The following ITGA11 variants were observed in gnomAD, a reference collection of about 807,000 sequenced individuals.
ITGA11 encodes the protein integrin alpha-11.
In ITGA11, 97 loss-of-function variants were observed where a neutral mutation model predicts 141.9. That is an observed-to-expected ratio of 0.68 (90% CI 0.58 to 0.81). The LOEUF (loss-of-function observed/expected upper bound fraction) is 0.81, where lower values mean the gene tolerates loss of function less well. Ranked by LOEUF, ITGA11 falls within the 30% of genes least tolerant of loss-of-function variation. The pLI, the probability that ITGA11 is intolerant of heterozygous loss-of-function variation, is 0.00. For missense variants in ITGA11, 1,387 were observed against 1,559.2 expected, an observed-to-expected ratio of 0.89 and a Z score of 1.86; for synonymous variants, 658 against 624.6, an observed-to-expected ratio of 1.05 and a Z score of -0.80.
At chr15:68,352,150 C>T (rs1894934637) in intron 7 of ITGA11, among the ~76,000 whole-genome samples, 1 of 151,554 alleles carries the variant, frequency 6.6e-6, no homozygotes, top group Admixed American at 6.6e-5. Context: ...TCAGCCAGAC[C>T]CCTGAAATTG....
At chr15:68,397,858 TAAAGA>T (rs762713261) in intron 2 of ITGA11, among the ~76,000 whole-genome samples, 33 of 146,286 alleles carry the variant, frequency 2.3e-4, no homozygotes, top group Admixed American at 4.9e-4. Context: ...ATAACATTCT[TAAAGA>T]AAAGAATCTT....
chr15:68,385,741 G>A (rs1418918394), intron 2 of ITGA11, among the ~76,000 whole-genome samples: 1 of 152,194 alleles, frequency 6.6e-6, no homozygotes, highest in Non-Finnish European at 1.5e-5. Flanking sequence ...GCAACTCTGG[G>A]CTGGGGGCTG....
intron 2 of ITGA11, among the ~76,000 whole-genome samples, chr15:68,396,770 C>T (rs1896252341): frequency 1.4e-5 from 2 of 145,510 alleles, no homozygotes; most frequent in African/African-American, 2.5e-5. Flanking sequence ...TTTTTATGTA[C>T]TAGTAAAAAA....
In ITGA11 at chr15:68,393,331, G is replaced by A. The variant is rs573697351; in HGVS notation, c.164+9587C>T. ...AGCTATATTTTTAAAAATGAAGGTAGAGAATTTTCCAAATCTAATTAAAAG... is the reference window on the plus strand; with the variant it reads ...AGCTATATTTTTAAAAATGAAGGTAAAGAATTTTCCAAATCTAATTAAAAG... On this transcript the variant is annotated intron_variant, in intron 2 of 29. Transcript: ENST00000315757. Among the ~76,000 whole-genome samples, 60 of 152,244 alleles carry A rather than the reference G, an allele frequency of 3.9e-4. 2 individuals are homozygous for A. The South Asian group carries it at 0.012, about 31-fold the overall frequency.
At chr15:68,310,861 G>T in intron 26 of ITGA11, 133 bp downstream of exon 26, 1 of 665,382 alleles carries the variant, frequency 1.5e-6, no homozygotes, top group Non-Finnish European at 2.6e-6. Flanking sequence ...TCTTGGTTTG[G>T]GGCTGGGTAC....
intron 15 of ITGA11, among the ~76,000 whole-genome samples, chr15:68,330,317 A>C (rs1183162161): frequency 1.3e-5 from 2 of 152,250 alleles, no homozygotes; most frequent in African/African-American, 4.8e-5. Flanking sequence ...ATAAAATTAC[A>C]GGCAAGGGAA....
chr15:68,364,678 G>A (rs1435777369), intron 4 of ITGA11, 29 bp downstream of exon 4: 2 of 1,508,132 alleles, frequency 1.3e-6, no homozygotes, highest in Non-Finnish European at 9.2e-7. Context: ...TGCCTCTCCT[G>A]ACCCCAAGCA....
At chr15:68,381,587 G>A (rs1246223596) in intron 2 of ITGA11, among the ~76,000 whole-genome samples, 1 of 150,402 alleles carries the variant, frequency 6.6e-6, no homozygotes, top group African/African-American at 2.5e-5. Context: ...ACAGAGTCTT[G>A]CTCTGTTGCC....
In ITGA11 at chr15:68,321,883, T is replaced by C. The variant is rs1893825554; in HGVS notation, c.2323-380A>G. Among the ~76,000 whole-genome samples, 1 of 152,154 alleles carries C rather than the reference T, an allele frequency of 6.6e-6. No individual in the cohort carries two copies. Among genetic ancestry groups the C allele is most frequent in the African/African-American group, 2.4e-5 (1 of 41,422 alleles). ...CCTCAGCTCAAGGGGAAGATTGGTG[T>C]ATGAACAAATCACTAGTGTAAAATG... On this transcript the variant is annotated intron_variant, in intron 18 of 29. Transcript: ENST00000315757. This position sits in a 1 kb window ranked among gnomAD's most constrained non-coding sequence, Gnocchi z 4.9.
intron 24 of ITGA11, 93 bp from the exon 25 acceptor site, chr15:68,311,496 T>C (rs1300261312): frequency 3.7e-6 from 3 of 819,814 alleles, no homozygotes; most frequent in African/African-American, 3.4e-5. Flanking sequence ...GGGGTGGCAA[T>C]TCCCCCATCA....
chr15:68,340,986 A>G (rs1894549365), intron 10 of ITGA11: 1 of 151,654 alleles, frequency 6.6e-6, no homozygotes, highest in Admixed American at 6.6e-5. Context: ...GTAAATCACC[A>G]CTCTCTCCCA....
Position 68,394,294 on chromosome 15 carries a change from A to T in ITGA11, c.164+8624T>A, listed in dbSNP as rs562655814. 3.3e-5 allele frequency among the ~76,000 whole-genome samples: 5 copies of T among 152,330 alleles called. No homozygotes were observed. The South Asian group carries it at 1.0e-3, about 32-fold the overall frequency. ...TTGACCACCATGGAATTGAATTAGAAATATAATAGAAAGACAACTAGAAAA... is the reference window on the plus strand; with the variant it reads ...TTGACCACCATGGAATTGAATTAGATATATAATAGAAAGACAACTAGAAAA... On this transcript the variant is annotated intron_variant, in intron 2 of 29. Coordinates refer to ENST00000315757, the MANE Select transcript of ITGA11 (RefSeq NM_001004439.2).
At chr15:68,320,789 C>T (rs537377730) in intron 19 of ITGA11, among the ~76,000 whole-genome samples, 7 of 152,312 alleles carry the variant, frequency 4.6e-5, no homozygotes, top group Admixed American at 1.3e-4. Context: ...TATCCTTCTA[C>T]AAGTTTTGAA....
chr15:68,379,453 C>T (rs1272253974), intron 2 of ITGA11, among the ~76,000 whole-genome samples: 1 of 152,244 alleles, frequency 6.6e-6, no homozygotes, highest in African/African-American at 2.4e-5. Context: ...ACAGTCAAGG[C>T]TCAATCACTG....
chr15:68,341,219 T>C (rs140894553), intron 10 of ITGA11, among the ~76,000 whole-genome samples: 3 of 152,372 alleles, frequency 2.0e-5, no homozygotes, highest in South Asian at 2.1e-4. Flanking sequence ...ATTAGCCTTC[T>C]TCCTGCTACT....
At chr15:68,338,724 G>A (rs74020487) in intron 11 of ITGA11, among the ~76,000 whole-genome samples, 8,337 of 152,266 alleles carry the variant, frequency 0.055, 704 homozygotes, top group African/African-American at 0.18. Flanking sequence ...GGACAGATTC[G>A]CTGTCCACTC....
intron 2 of ITGA11, among the ~76,000 whole-genome samples, chr15:68,392,544 A>C (rs1896146027): frequency 6.6e-6 from 1 of 152,356 alleles, no homozygotes; most frequent in South Asian, 2.1e-4. Flanking sequence ...CAACAGGAAA[A>C]GAGTCTCAAA....
At chr15:68,367,460 C>G (rs1230583062) in intron 3 of ITGA11, among the ~76,000 whole-genome samples, 1 of 152,142 alleles carries the variant, frequency 6.6e-6, no homozygotes, top group East Asian at 1.9e-4. Flanking sequence ...TGCTCCGCCC[C>G]CACCTGTAAC....
chr15:68,381,652 C>T (rs568467538), intron 2 of ITGA11, among the ~76,000 whole-genome samples: 2 of 151,998 alleles, frequency 1.3e-5, no homozygotes, highest in East Asian at 3.9e-4. Flanking sequence ...ACCTCCCGGG[C>T]TCAAGCGATT....
Sources: allele counts gnomAD v4.1 joint callset (sites outside exome capture counted in the v4.1 genomes callset), GRCh38; gene constraint gnomAD v4.1.1; non-coding constraint Gnocchi (gnomAD v3.1); transcripts MANE v1.5; gene names NCBI Gene and HGNC (gene_info 2026-07-23, HGNC 2026-07-21).